The following STX3 variants were observed in gnomAD, a reference collection of about 807,000 sequenced individuals.
The protein encoded by STX3 is syntaxin-3.
Under a neutral mutation model 40.2 loss-of-function variants are expected in STX3, and 19 were observed. That is an observed-to-expected ratio of 0.47 (90% CI 0.33 to 0.69). The LOEUF (loss-of-function observed/expected upper bound fraction) is 0.69. STX3 is among the 30% of genes least tolerant of loss of function. The pLI is 0.02. For missense variants in STX3, 364 were observed against 366.7 expected (o/e 0.99, Z 0.06); for synonymous variants, 122 against 132.2 (o/e 0.92, Z 0.53).
At position 59,776,791 on chromosome 11, in the gene STX3, G is replaced by A. The variant is rs569126096; in HGVS notation, c.114+3497G>A. 1.9e-4 allele frequency among the ~76,000 whole-genome samples: 29 copies of A among 152,328 alleles called. 2 individuals carry two copies. The South Asian group carries it at 5.6e-3, about 29-fold the overall frequency. On this transcript the variant is annotated intron_variant, in intron 2 of 10. Coordinates refer to ENST00000337979, the MANE Select transcript of STX3 (RefSeq NM_004177.5). ...TAGCTTCTTGATCGTTGGAAAAAAA[G>A]ATTGGCCCTTGGGTTTTCAGGCCAC...
intron 2 of STX3, among the ~76,000 whole-genome samples, chr11:59,782,048 C>T (rs1045724671): frequency 6.6e-6 from 1 of 152,168 alleles, no homozygotes; most frequent in African/African-American, 2.4e-5. Flanking sequence ...TTTTGCTTAG[C>T]CTTCCATCTT....
chr11:59,798,424 C>G (rs1211161946), intron 10 of STX3, among the ~76,000 whole-genome samples: 2 of 152,032 alleles, frequency 1.3e-5, no homozygotes, highest in Non-Finnish European at 2.9e-5. Flanking sequence ...GCCAGAATGC[C>G]TTGAACTCCT....
intron 2 of STX3, among the ~76,000 whole-genome samples, chr11:59,778,860 G>A (rs1474673540): frequency 7.6e-6 from 1 of 131,932 alleles, no homozygotes; most frequent in Non-Finnish European, 1.6e-5. Context: ...TGGGGATGAA[G>A]TTTCGCTCTT....
chr11:59,771,544 C>T (rs751285518), intron 1 of STX3, among the ~76,000 whole-genome samples: 12 of 151,942 alleles, frequency 7.9e-5, no homozygotes, highest in Admixed American at 1.3e-4. Context: ...CTTTTGCATG[C>T]GGGAGCCATG....
At chr11:59,799,952 T>C (rs1046400482) in intron 10 of STX3, 1 of 985,254 alleles carries the variant, frequency 1.0e-6, no homozygotes, top group Non-Finnish European at 1.2e-6. Flanking sequence ...ATAAGAGTTG[T>C]TATTTTTCCA....
intron 10 of STX3, among the ~76,000 whole-genome samples, chr11:59,799,169 C>T (rs1447288841): frequency 6.6e-6 from 1 of 152,172 alleles, no homozygotes. Context: ...GGATTACAGG[C>T]ATGAGCCACT....
intron 5 of STX3, among the ~76,000 whole-genome samples, chr11:59,791,523 A>G (rs893765602): frequency 6.6e-5 from 10 of 152,186 alleles, no homozygotes; most frequent in African/African-American, 2.4e-4. Flanking sequence ...GTTTTGGTCT[A>G]AATTTGTATG....
chr11:59,762,889 A>G (rs1360924545), intron 1 of STX3, among the ~76,000 whole-genome samples: 2 of 152,172 alleles, frequency 1.3e-5, no homozygotes, highest in Non-Finnish European at 2.9e-5. Context: ...TGTAGGTTTC[A>G]TTTGGGTAAA....
At position 59,802,588 on chromosome 11, in the gene STX3, G is replaced by GCTTA. The variant is rs568627651; in HGVS notation, c.*1766_*1769dup. ...CTCTCCTCTGACATTGAGGCCTGGG[G>GCTTA]CTTACAGTTTGGAATACAACATGTG... On this transcript the variant is annotated 3_prime_UTR_variant, in exon 11 of 11. Transcript: ENST00000337979. 1 of 985,728 alleles carries GCTTA rather than the reference G, an allele frequency of 1.0e-6. No homozygotes were observed. Among genetic ancestry groups the GCTTA allele is most frequent in the Non-Finnish European group, 1.2e-6 (1 of 829,938 alleles). The allele number at this position is 985,728 out of a possible 1,614,324, so 61.1% of individuals were successfully genotyped here.
At chr11:59,775,328 A>G (rs947870698) in intron 2 of STX3, among the ~76,000 whole-genome samples, 4 of 152,204 alleles carry the variant, frequency 2.6e-5, no homozygotes, top group Admixed American at 6.5e-5. Flanking sequence ...GGATCGTGGA[A>G]GGACAATATC....
intron 1 of STX3, among the ~76,000 whole-genome samples, chr11:59,761,935 C>T (rs1863060691): frequency 6.6e-6 from 1 of 152,076 alleles, no homozygotes; most frequent in Admixed American, 6.6e-5. Context: ...CACTTGGTCT[C>T]ATTTTATACT....
intron 1 of STX3, among the ~76,000 whole-genome samples, chr11:59,756,938 T>G (rs557833039): frequency 6.6e-6 from 1 of 152,198 alleles, no homozygotes; most frequent in African/African-American, 2.4e-5. Flanking sequence ...CTTGCTTGGA[T>G]GAGACCTTCA....
chr11:59,789,980 A>G (rs895073886), intron 4 of STX3, among the ~76,000 whole-genome samples: 3 of 152,218 alleles, frequency 2.0e-5, no homozygotes, highest in African/African-American at 7.2e-5. Context: ...TGGTGCATGC[A>G]TGCTATTGAT....
At chr11:59,777,454 C>T (rs549313640) in intron 2 of STX3, among the ~76,000 whole-genome samples, 2 of 152,262 alleles carry the variant, frequency 1.3e-5, no homozygotes, top group East Asian at 1.9e-4. Flanking sequence ...AAATTCACTC[C>T]GATGGCAGTT....
At chr11:59,770,731 G>A (rs1254704746) in intron 1 of STX3, among the ~76,000 whole-genome samples, 1 of 152,120 alleles carries the variant, frequency 6.6e-6, no homozygotes, top group African/African-American at 2.4e-5. Flanking sequence ...TACAGGGTGA[G>A]CGCTCAGGAA....
chr11:59,791,383 G>A (rs1418647158), intron 5 of STX3, among the ~76,000 whole-genome samples: 1 of 152,138 alleles, frequency 6.6e-6, no homozygotes, highest in Non-Finnish European at 1.5e-5. Flanking sequence ...TGGATCTGAT[G>A]TTATAACTTA....
At chr11:59,778,158 C>T (rs1177201044) in intron 2 of STX3, among the ~76,000 whole-genome samples, 1 of 152,136 alleles carries the variant, frequency 6.6e-6, no homozygotes, top group Non-Finnish European at 1.5e-5. Flanking sequence ...GGCTCTGTTA[C>T]TGAAGCAGTC....
chr11:59,776,526 A>G (rs1036135217), intron 2 of STX3, among the ~76,000 whole-genome samples: 1 of 152,222 alleles, frequency 6.6e-6, no homozygotes, highest in African/African-American at 2.4e-5. Flanking sequence ...GTCCCCCTCT[A>G]TGTGACTGGT....
At chr11:59,795,059 A>G (rs1216133936) in intron 8 of STX3, among the ~76,000 whole-genome samples, 1 of 152,244 alleles carries the variant, frequency 6.6e-6, no homozygotes, top group Non-Finnish European at 1.5e-5. Flanking sequence ...TGTAAAAAAA[A>G]TAACAAAGGT....
Sources: gnomAD v4.1 joint callset for allele counts (sites outside exome capture counted in the v4.1 genomes callset) on GRCh38, gnomAD v4.1.1 for gene constraint, MANE v1.5 for transcripts, NCBI Gene and HGNC (gene_info 2026-07-23, HGNC 2026-07-21) for gene names.